The following KIF13A variants were observed in gnomAD, a reference collection of about 807,000 sequenced individuals.
KIF13A encodes kinesin family member 13A.
In KIF13A, 79 loss-of-function variants were observed where a neutral mutation model predicts 212.2. The observed-to-expected ratio is 0.37, with a 90% CI of 0.31 to 0.45. The LOEUF is 0.45. Ranked by LOEUF, KIF13A falls within the 20% of genes least tolerant of loss-of-function variation. The pLI is 1.00. For missense variants in KIF13A, 1,901 were observed against 2,209.0 expected (o/e 0.86, Z 2.79); for synonymous variants, 789 against 808.6 (o/e 0.98, Z 0.41).
At chr6:17,790,327 C>T (rs184077783) in intron 25 of KIF13A, among the ~76,000 whole-genome samples, 35 of 152,236 alleles carry the variant, frequency 2.3e-4, no homozygotes, top group African/African-American at 6.7e-4. Flanking sequence ...ATCACTTGAG[C>T]GGAGGAGATG....
chr6:17,916,043 G>A (rs1048093463), intron 2 of KIF13A, among the ~76,000 whole-genome samples: 1 of 152,186 alleles, frequency 6.6e-6, no homozygotes, highest in African/African-American at 2.4e-5. Flanking sequence ...TAACTGGGCA[G>A]GATGGCGTTT....
chr6:17,890,790 C>CTAATAATAATAATAA (rs71536760), intron 3 of KIF13A, among the ~76,000 whole-genome samples: 18,998 of 138,874 alleles, frequency 0.14, 1,379 homozygotes, highest in Middle Eastern at 0.17. Context: ...CTATGCCCAG[C>CTAATAATAATAATAA]TAATAATAAT....
Position 17,843,934 on chromosome 6 carries a change from A to G in KIF13A, c.830+5443T>C, listed in dbSNP as rs948799445. ...GTGGCGCACGCCTATAATCCCAGCT[A>G]CTCGGGAGGCTGAGGCAGGAGAATC... On this transcript the variant is annotated intron_variant, in intron 9 of 38. Transcript: ENST00000259711. This position sits in a 1 kb window ranked among gnomAD's most constrained non-coding sequence, Gnocchi z 5.3. Among the ~76,000 whole-genome samples, 59 of 151,840 alleles carry G rather than the reference A, an allele frequency of 3.9e-4. No individual in the cohort carries two copies. The highest frequency in any genetic ancestry group is 1.3e-3 in the African/African-American group (55 of 41,334).
intron 2 of KIF13A, among the ~76,000 whole-genome samples, chr6:17,922,489 T>G (rs955021562): frequency 1.3e-5 from 2 of 151,908 alleles, no homozygotes; most frequent in Non-Finnish European, 2.9e-5. Flanking sequence ...AAAAATAATG[T>G]TGAAAGAAGA....
intron 29 of KIF13A, among the ~76,000 whole-genome samples, chr6:17,782,976 G>C (rs1760734388): frequency 6.6e-6 from 1 of 152,180 alleles, no homozygotes; most frequent in African/African-American, 2.4e-5. Flanking sequence ...TTCTTCACAT[G>C]AAGAGCCAAA....
chr6:17,822,008 C>A, intron 16 of KIF13A: 1 of 1,214,702 alleles, frequency 8.2e-7, no homozygotes, highest in Non-Finnish European at 1.1e-6. Flanking sequence ...TCCACTGGAA[C>A]TGGGTAAAGG....
In KIF13A at chr6:17,828,104, C is replaced by T; in HGVS notation, c.1532+136G>A. On this transcript the variant is annotated intron_variant, in intron 14 of 38. Coordinates refer to ENST00000259711, the MANE Select transcript of KIF13A (RefSeq NM_022113.6). The surrounding 1 kb of genome is among the most constrained non-coding windows in gnomAD (Gnocchi z 4.3). ...CTTCACAGTAATCACTCTCTACAAT[C>T]AGAAAGCAAGGGCCCCCTGAGGACC... 1 of 721,264 alleles carries T rather than the reference C, an allele frequency of 1.4e-6. No homozygotes were observed. Among genetic ancestry groups the T allele is most frequent in the East Asian group, 2.9e-5 (1 of 35,064 alleles). The allele number at this position is 721,264 out of a possible 1,614,324, so 44.7% of individuals were successfully genotyped here.
At chr6:17,917,247 T>C (rs2150514007) in intron 2 of KIF13A, among the ~76,000 whole-genome samples, 1 of 146,144 alleles carries the variant, frequency 6.8e-6, no homozygotes, top group African/African-American at 2.6e-5. Flanking sequence ...TTTTTTTTTT[T>C]TTTTTTTTTT....
chr6:17,833,917 G>A, intron 12 of KIF13A, 44 bp downstream of exon 12: 1 of 923,474 alleles, frequency 1.1e-6, no homozygotes, highest in African/African-American at 1.7e-5. Context: ...AAGACAATAA[G>A]TGAAAAAGAA....
At chr6:17,840,574 T>G (rs1306339427) in intron 9 of KIF13A, among the ~76,000 whole-genome samples, 1 of 152,152 alleles carries the variant, frequency 6.6e-6, no homozygotes, top group African/African-American at 2.4e-5. Context: ...TGAAAATACA[T>G]TTTGGAGATG....
In KIF13A at chr6:17,799,838, G is replaced by T; in HGVS notation, c.2616+114C>A. ...AGTACTGTCCACCACTGTATCTGCT[G>T]TTACAAAATCCAACTTTTACTACCC... On this transcript the variant is annotated intron_variant, in intron 21 of 38. Coordinates refer to ENST00000259711, the MANE Select transcript of KIF13A (RefSeq NM_022113.6). This position sits in a 1 kb window ranked among gnomAD's most constrained non-coding sequence, Gnocchi z 4.4. The T allele has an allele frequency of 8.5e-7, 1 of 1,174,048 alleles. No individual in the cohort carries two copies. Among genetic ancestry groups the T allele is most frequent in the Non-Finnish European group, 1.2e-6 (1 of 817,328 alleles). The allele number at this position is 1,174,048 out of a possible 1,614,324, so 72.7% of individuals were successfully genotyped here. A position where few individuals can be genotyped will look rare whatever the true frequency, so the allele number is the denominator to read the frequency against.
intron 20 of KIF13A, among the ~76,000 whole-genome samples, chr6:17,802,046 T>C (rs1035007745): frequency 6.6e-6 from 1 of 152,164 alleles, no homozygotes; most frequent in African/African-American, 2.4e-5. Context: ...CAGGTTGTAA[T>C]GACTGTGGCT....
chr6:17,760,951 GC>G, downstream of KIF13A: 2 of 1,492,052 alleles, frequency 1.3e-6, no homozygotes, highest in South Asian at 1.2e-5. Context: ...CCTACTCTCA[GC>G]CCAGTCCACA....
Position 17,909,228 on chromosome 6 carries a change from T to C in KIF13A, c.147-11048A>G, listed in dbSNP as rs530379622. 1.4e-3 allele frequency among the ~76,000 whole-genome samples: 219 copies of C among 152,332 alleles called. 1 individual carries two copies. The highest frequency in any genetic ancestry group is 5.1e-3 in the African/African-American group (212 of 41,576). ...TGACAGAACTTATAAAACAGGGTTC[T>C]TTCCCTGAAGAAAAGAAAGGTTTTT... On this transcript the variant is annotated intron_variant, in intron 2 of 38. Transcript: ENST00000259711.
intron 23 of KIF13A, 40 bp downstream of exon 23, chr6:17,796,629 G>A (rs1381591876): frequency 7.2e-7 from 1 of 1,381,058 alleles, no homozygotes. Context: ...TCAAGTCCTA[G>A]TCTTAACCTT....
intron 17 of KIF13A, chr6:17,812,586 C>A (rs1763524280): frequency 6.6e-6 from 1 of 152,144 alleles, no homozygotes; most frequent in African/African-American, 2.4e-5. Flanking sequence ...TATCGTTGGA[C>A]ATTTAGGTTG....
chr6:17,882,931 G>A (rs1243679111), intron 3 of KIF13A, among the ~76,000 whole-genome samples: 2 of 152,134 alleles, frequency 1.3e-5, no homozygotes, highest in East Asian at 3.8e-4. Flanking sequence ...ATCAGATTCT[G>A]TATGTGTGTA....
At chr6:17,933,404 A>ATTTTTTTT (rs11377627) in intron 2 of KIF13A, among the ~76,000 whole-genome samples, 1 of 114,602 alleles carries the variant, frequency 8.7e-6, no homozygotes, top group Non-Finnish European at 1.7e-5. Context: ...CACCCAGCTC[A>ATTTTTTTT]TTTTTTTTTT....
chr6:17,805,421 T>G, intron 19 of KIF13A, 54 bp downstream of exon 19: 4 of 1,414,874 alleles, frequency 2.8e-6, no homozygotes, highest in Non-Finnish European at 3.0e-6. Flanking sequence ...CTAAATCGCT[T>G]ATATTCTCTG....
Sources: gnomAD v4.1 joint callset for allele counts (sites outside exome capture counted in the v4.1 genomes callset) on GRCh38, gnomAD v4.1.1 for gene constraint, Gnocchi (gnomAD v3.1) non-coding constraint, MANE v1.5 for transcripts, NCBI Gene and HGNC (gene_info 2026-07-23, HGNC 2026-07-21) for gene names.